Variants in COL6A6 observed in about 807,000 individuals in gnomAD.
COL6A6 encodes collagen alpha-6(VI) chain.
COL6A6 carries 183 observed loss-of-function variants against 208.6 expected under a neutral mutation model. That is an observed-to-expected ratio of 0.88 (90% CI 0.78 to 0.99). The LOEUF is 0.99. Among genes scored for constraint, COL6A6 ranks in the 50% least tolerant of loss-of-function variants. COL6A6 has a pLI of 0.00. For synonymous variants in COL6A6, 973 were observed against 1,011.8 expected (o/e 0.96, Z 0.73); for missense variants, 2,816 against 2,815.2 (o/e 1.00, Z -0.01).
chr3:130,532,728 A>G (rs1212891119), intron 1 of COL6A6, among the ~76,000 whole-genome samples: 1 of 152,178 alleles, frequency 6.6e-6, no homozygotes, highest in Non-Finnish European at 1.5e-5. Flanking sequence ...CCTAAAAACA[A>G]TGTAATATCT....
intron 1 of COL6A6, among the ~76,000 whole-genome samples, chr3:130,553,860 TGTTTTGTTTTG>T (rs1247785266): frequency 3.9e-5 from 1 of 25,568 alleles, no homozygotes; most frequent in Non-Finnish European, 4.5e-4. Flanking sequence ...TTTTTTGTTT[TGTTTTGTTTTG>T]TTTTTTTGCT....
At chr3:130,547,088 G>C (rs551392540) in intron 1 of COL6A6, among the ~76,000 whole-genome samples, 225 of 152,394 alleles carry the variant, frequency 1.5e-3, no homozygotes, top group African/African-American at 5.3e-3. Flanking sequence ...TTGGGCGGTT[G>C]ATGCGACCTG....
chr3:130,575,343 A>G (rs185940846), intron 8 of COL6A6, among the ~76,000 whole-genome samples: 80 of 152,364 alleles, frequency 5.3e-4, no homozygotes, highest in Admixed American at 9.2e-4. Flanking sequence ...GAGAAAATGC[A>G]TATTTCAACT....
In COL6A6 at chr3:130,559,611, A is replaced by G. The variant is rs535270734; in HGVS notation, c.-31-723A>G. ...AATAAATGAGCAAAAAATAAGCCCA[A>G]CCTGCTTCATTAAATATTTATTTTC... On this transcript the variant is annotated intron_variant, in intron 1 of 36. Coordinates refer to ENST00000358511, the MANE Select transcript of COL6A6 (RefSeq NM_001102608.3). Among the ~76,000 whole-genome samples, 44 of 152,328 alleles carry G rather than the reference A, an allele frequency of 2.9e-4. 1 individual carries two copies. The highest frequency in any genetic ancestry group is 4.1e-4 in the Non-Finnish European group (28 of 68,024).
intron 13 of COL6A6, among the ~76,000 whole-genome samples, chr3:130,591,570 T>G (rs1442967829): frequency 2.6e-5 from 4 of 152,242 alleles, no homozygotes; most frequent in Non-Finnish European, 5.9e-5. Context: ...CATTCATTGG[T>G]TCATTCAACA....
At chr3:130,628,141 A>C (rs925557063) in intron 26 of COL6A6, among the ~76,000 whole-genome samples, 2 of 152,238 alleles carry the variant, frequency 1.3e-5, no homozygotes, top group Non-Finnish European at 2.9e-5. Flanking sequence ...GGCCATCTGG[A>C]AGAATAAAGG....
intron 1 of COL6A6, among the ~76,000 whole-genome samples, chr3:130,548,193 C>T (rs749232850): frequency 6.6e-6 from 1 of 152,124 alleles, no homozygotes; most frequent in Non-Finnish European, 1.5e-5. Context: ...TTTTTTTTAA[C>T]GTTTTAGAAA....
At chr3:130,658,426 C>T (rs1318087730) in intron 33 of COL6A6, among the ~76,000 whole-genome samples, 1 of 152,176 alleles carries the variant, frequency 6.6e-6, no homozygotes, top group Non-Finnish European at 1.5e-5. Flanking sequence ...CACAGTAGTC[C>T]TGTTAGGAGG....
Position 130,574,301 on chromosome 3 carries a change from T to C in COL6A6, c.3323T>C (p.Val1108Ala), listed in dbSNP as rs1354425631. The change falls in exon 8 of 37, where the codon GTC becomes GCC. Residue 1108 changes from valine to alanine, a missense_variant. Val to Ala is a moderately conservative substitution (Grantham distance 64). Coordinates refer to ENST00000358511, the MANE Select transcript of COL6A6 (RefSeq NM_001102608.3). ...INTGTPQVLL[V>A]LTDGQSQDEV... ...ACAGGTACCCCACAGGTGCTGCTGG[T>C]CCTTACAGATGGCCAGTCCCAAGAC... is the stretch of plus-strand genomic sequence containing the variant. 1 of 1,613,946 alleles carries C rather than the reference T, an allele frequency of 6.2e-7. No homozygotes were observed.
At chr3:130,622,290 G>A (rs1052065157) in intron 24 of COL6A6, among the ~76,000 whole-genome samples, 2 of 146,842 alleles carry the variant, frequency 1.4e-5, no homozygotes, top group African/African-American at 5.1e-5. Context: ...CTGAGCGTTC[G>A]GTTGGGCTGA....
At chr3:130,520,604 T>A (rs952992564) in intron 1 of COL6A6, among the ~76,000 whole-genome samples, 1 of 152,210 alleles carries the variant, frequency 6.6e-6, no homozygotes, top group African/African-American at 2.4e-5. Flanking sequence ...TCAGTAATAT[T>A]TGGTAAGTGA....
intron 7 of COL6A6, among the ~76,000 whole-genome samples, chr3:130,572,130 C>T (rs546491327): frequency 2.6e-5 from 4 of 152,266 alleles, no homozygotes; most frequent in Admixed American, 1.3e-4. Flanking sequence ...TTCCTTCAGG[C>T]TAGAAGTCAC....
intron 19 of COL6A6, among the ~76,000 whole-genome samples, 152 bp downstream of exon 19, chr3:130,598,582 C>T (rs747507686): frequency 1.3e-4 from 20 of 152,148 alleles, no homozygotes; most frequent in Admixed American, 1.3e-4. Context: ...GATCTTTTCT[C>T]CTGCCTATGT....
intron 18 of COL6A6, among the ~76,000 whole-genome samples, chr3:130,596,087 C>A (rs532224305): frequency 2.2e-4 from 33 of 151,980 alleles, no homozygotes; most frequent in Admixed American, 5.2e-4. Flanking sequence ...GAATTTGATG[C>A]AATATATATG....
intron 1 of COL6A6, among the ~76,000 whole-genome samples, chr3:130,556,931 C>T (rs549679233): frequency 6.6e-6 from 1 of 152,102 alleles, no homozygotes; most frequent in African/African-American, 2.4e-5. Flanking sequence ...TCAAAACAGG[C>T]GTTCAGTGTT....
intron 23 of COL6A6, among the ~76,000 whole-genome samples, chr3:130,611,275 G>A (rs2064350672): frequency 1.3e-5 from 2 of 152,194 alleles, no homozygotes; most frequent in Admixed American, 1.3e-4. Flanking sequence ...GTTAACTAGA[G>A]AACTTGTTAA....
At position 130,592,538 on chromosome 3, in the gene COL6A6, C is replaced by T. The variant is rs200882237; in HGVS notation, c.4273-3C>T. 9.0e-4 allele frequency: 1,440 copies of T among 1,594,588 alleles called. 6 individuals carry two copies. The highest frequency in any genetic ancestry group is 1.8e-3 in the Middle Eastern group (11 of 6,038). On this transcript the variant is annotated splice_polypyrimidine_tract_variant and splice_region_variant and intron_variant, in intron 13 of 36. Coordinates refer to ENST00000358511, the MANE Select transcript of COL6A6 (RefSeq NM_001102608.3). ...GCTCATTTGGATATGTGCCCTTTCT[C>T]AGGGAGAAAGAGGAGCCCCTGGACC...
chr3:130,531,369 A>C (rs2062091455), intron 1 of COL6A6, among the ~76,000 whole-genome samples: 1 of 152,134 alleles, frequency 6.6e-6, no homozygotes, highest in African/African-American at 2.4e-5. Flanking sequence ...AGAATCAAAA[A>C]TATTTCCAGA....
chr3:130,565,326 G>T lies in COL6A6; in HGVS notation c.994G>T (p.Val332Leu). The change falls in exon 4 of 37, where the codon GTG becomes TTG. Residue 332 changes from valine (V) to leucine (L), a missense_variant. By Grantham distance (32) the Val-to-Leu change is conservative. Transcript: ENST00000358511. ...GAATGGCAGTCGGAAGAATCAGGGG[G>T]TGCCCCAGATTGCCGTGCTGGTGAC... The part of the protein sequence containing the change: ...ARNGSRKNQG[V>L]PQIAVLVTHR... 3 of 1,613,976 alleles carry T rather than the reference G, an allele frequency of 1.9e-6. No homozygotes were observed. The highest frequency in any genetic ancestry group is 2.2e-5 in the South Asian group (2 of 91,076).
Sources: gnomAD v4.1 joint callset for allele counts (sites outside exome capture counted in the v4.1 genomes callset) on GRCh38, gnomAD v4.1.1 for gene constraint, MANE v1.5 for transcripts, NCBI Gene and HGNC (gene_info 2026-07-23, HGNC 2026-07-21) for gene names.